Variants in DNAH10 observed in about 807,000 individuals in gnomAD.
DNAH10 encodes the protein dynein axonemal heavy chain 10, also known as axonemal beta dynein heavy chain 10.
DNAH10 carries 348 observed loss-of-function variants against 506.6 expected under a neutral mutation model. That is an observed-to-expected ratio of 0.69 (90% CI 0.63 to 0.75). DNAH10 has a LOEUF of 0.75. Ranked by LOEUF, DNAH10 falls within the 30% of genes least tolerant of loss-of-function variation. The pLI is 0.00. For missense variants in DNAH10, 5,179 were observed against 5,787.1 expected (o/e 0.89, Z 3.41); for synonymous variants, 2,059 against 2,198.6 (o/e 0.94, Z 1.78).
At chr12:123,842,705 G>A (rs1397805983) in intron 30 of DNAH10, among the ~76,000 whole-genome samples, 3 of 152,290 alleles carry the variant, frequency 2.0e-5, no homozygotes. Context: ...GGTAAAACTG[G>A]ATGTCTGGAA....
intron 39 of DNAH10, 64 bp downstream of exon 39, chr12:123,861,234 A>T: frequency 2.6e-6 from 4 of 1,564,862 alleles, no homozygotes; most frequent in Non-Finnish European, 3.5e-6. Context: ...CAACATTAAA[A>T]ACGGTGGCAG....
chr12:123,891,620 G>A (rs1451016407), intron 52 of DNAH10, among the ~76,000 whole-genome samples: 1 of 151,674 alleles, frequency 6.6e-6, no homozygotes, highest in Non-Finnish European at 1.5e-5. Context: ...AGCCCCGGGA[G>A]GAAGAGACTG....
intron 51 of DNAH10, among the ~76,000 whole-genome samples, chr12:123,884,933 T>C (rs572825807): frequency 3.9e-5 from 6 of 152,218 alleles, no homozygotes; most frequent in African/African-American, 7.2e-5. Flanking sequence ...TAAATTATTT[T>C]TCTGTTATTT....
intron 45 of DNAH10, 130 bp downstream of exon 45, chr12:123,871,732 G>A: frequency 8.9e-7 from 1 of 1,128,714 alleles, no homozygotes; most frequent in Non-Finnish European, 1.2e-6. Context: ...ACTTACCTGG[G>A]AGCTTCTAGC....
chr12:123,921,800 G>A (rs374221982), intron 65 of DNAH10, among the ~76,000 whole-genome samples: 23 of 134,754 alleles, frequency 1.7e-4, no homozygotes, highest in Middle Eastern at 4.1e-3. Flanking sequence ...TGCAACCTTC[G>A]CCTCCTGGGT....
chr12:123,835,715 T>G (rs1012514522), intron 28 of DNAH10, among the ~76,000 whole-genome samples, 187 bp downstream of exon 28: 1 of 152,158 alleles, frequency 6.6e-6, no homozygotes, highest in Admixed American at 6.5e-5. Context: ...GCCTTGAACT[T>G]ATGGGCTAAA....
rs370249206 is a variant in DNAH10, at chr12:123,931,736, G to A, written c.13017G>A (p.Arg4339=). 4.3e-6 allele frequency: 7 copies of A among 1,613,928 alleles called. No individual in the cohort carries two copies. The African/African-American group carries it at 8.0e-5, about 18-fold the overall frequency. ...MPKVFDLDQV[R]KRLGTGLSPT... ...AAGTCTTTGACTTGGACCAGGTGAG[G>A]AAGCGCCTCGGAACAGGACTCTCCC... Residue 4339 remains arginine, a synonymous_variant, in exon 75 of 79, where the codon AGG becomes AGA. Coordinates refer to ENST00000673944, the MANE Select transcript of DNAH10 (RefSeq NM_001372106.1).
intron 36 of DNAH10, among the ~76,000 whole-genome samples, chr12:123,854,209 A>G (rs1951301812): frequency 6.6e-6 from 1 of 152,078 alleles, no homozygotes; most frequent in African/African-American, 2.4e-5. Context: ...CTTAGGAGAA[A>G]GGAGTTATAT....
chr12:123,793,929 G>T lies in DNAH10; in HGVS notation c.1816-13G>T. ...ACAGGGGCATGAGGGTTGTTTTGTT[G>T]ATTTTTTTGCAGGTTATTGAGAAAG... On this transcript the variant is annotated splice_polypyrimidine_tract_variant and intron_variant, in intron 11 of 78. Transcript: ENST00000673944. 2.5e-6 allele frequency: 3 copies of T among 1,195,270 alleles called. No homozygotes were observed. Among genetic ancestry groups the T allele is most frequent in the Non-Finnish European group, 3.2e-6 (3 of 934,226 alleles). 74.0% of individuals were successfully genotyped at this position (1,195,270 alleles called of 1,614,324 possible). A position where few individuals can be genotyped will look rare whatever the true frequency, so the allele number is the denominator to read the frequency against.
intron 14 of DNAH10, 77 bp from the exon 15 acceptor site, chr12:123,800,139 A>G (rs1958429198): frequency 2.1e-6 from 3 of 1,440,776 alleles, no homozygotes; most frequent in African/African-American, 1.4e-5. Flanking sequence ...TTTCATGTTC[A>G]CTTTTGGTGT....
chr12:123,875,182 C>T lies in DNAH10; in HGVS notation c.7939-49C>T, dbSNP rs754561880. Reference sequence around the variant, plus strand: ...ATGGTCAGCCAACGCCTCTCTGACTCCTACTTTGCGATACTACTGTTCTCT... The same window carrying T: ...ATGGTCAGCCAACGCCTCTCTGACTTCTACTTTGCGATACTACTGTTCTCT... On this transcript the variant is annotated intron_variant, in intron 46 of 78. Transcript: ENST00000673944. 5 of 1,555,044 alleles carry T rather than the reference C, an allele frequency of 3.2e-6. No homozygotes were observed. The South Asian group carries it at 5.9e-5, about 18-fold the overall frequency.
intron 51 of DNAH10, among the ~76,000 whole-genome samples, chr12:123,884,231 C>T (rs775443321): frequency 3.3e-5 from 5 of 152,196 alleles, no homozygotes; most frequent in Admixed American, 2.6e-4. Flanking sequence ...GACGGGGTTT[C>T]GCCATGTTGG....
rs779810590 is a variant in DNAH10 at position 123,930,517 on chromosome 12, G to A, written c.12728G>A (p.Arg4243Gln). Residue 4243 changes from arginine (R) to glutamine (Q), a missense_variant, in exon 73 of 79, where the codon CGG (arginine) becomes CAG (glutamine). By Grantham distance (43) the Arg-to-Gln change is conservative. Around this residue, in one of 3 missense-constraint regions of DNAH10, gnomAD observed 4,844 missense variants for 5,430.5 expected, o/e 0.89. Transcript: ENST00000673944. ...ACTTTCCAGCCATTCCACTTCTTCC[G>A]GAACAAGGAAGTGGACTACAAAATC... The part of the protein sequence containing the change: ...FDTFQPFHFF[R>Q]NKEVDYKIPV... 14 of 1,609,328 alleles carry A rather than the reference G, an allele frequency of 8.7e-6. No homozygotes were observed. The highest frequency in any genetic ancestry group is 6.7e-5 in the African/African-American group (5 of 74,524).
intron 18 of DNAH10, 22 bp downstream of exon 18, chr12:123,805,062 C>T (rs2136298021): frequency 6.2e-7 from 1 of 1,610,872 alleles, no homozygotes; most frequent in South Asian, 1.1e-5. Flanking sequence ...TTGTTGCATG[C>T]TTTAAAATGG....
At chr12:123,842,735 G>T (rs1950815854) in intron 30 of DNAH10, among the ~76,000 whole-genome samples, 1 of 152,174 alleles carries the variant, frequency 6.6e-6, no homozygotes, top group Admixed American at 6.5e-5. Flanking sequence ...TTAAAGCTTT[G>T]ATTTAAAGCA....
chr12:123,794,055 T>C lies in DNAH10; in HGVS notation c.1929T>C (p.Ala643=). The C allele has an allele frequency of 1.6e-6, 2 of 1,285,462 alleles. No homozygotes were observed. Among genetic ancestry groups the C allele is most frequent in the Non-Finnish European group, 2.0e-6 (2 of 986,342 alleles). The allele number at this position is 1,285,462 out of a possible 1,614,324, so 79.6% of individuals were successfully genotyped here. Residue 643 remains alanine, a synonymous_variant, in exon 12 of 79, where the codon GCT becomes GCC. Transcript: ENST00000673944. ...TTAAGCACATTCGTTCACGGGAGGC[T>C]GTTAATCGACAAATGATGATGAAAT... The part of the protein sequence containing the change: ...LKFKHIRSRE[A]VNRQMMMKFN...
At position 123,935,504 on chromosome 12, in the gene DNAH10, TA is replaced by T; in HGVS notation, c.*25del. ...TAACCTTTGGGTGAAGAAAACTGCT[TA>T]ATGAATTCGGAGCCTGGGGTTGTCA... is the stretch of plus-strand genomic sequence containing the variant. On this transcript the variant is annotated 3_prime_UTR_variant, in exon 79 of 79. Transcript: ENST00000673944. 2 of 1,562,436 alleles carry T rather than the reference TA, an allele frequency of 1.3e-6. No individual in the cohort carries two copies. The highest frequency in any genetic ancestry group is 1.8e-6 in the Non-Finnish European group (2 of 1,142,706).
At position 123,787,857 on chromosome 12, in the gene DNAH10, G is replaced by C; in HGVS notation, c.1475G>C (p.Arg492Thr). ...ACCTTGGAAGCCAGGAACACCCTCA[G>C]GCTGTGGAAAAAGGCCTATTTTGAC... The part of the protein sequence containing the change: ...SKTLEARNTL[R>T]LWKKAYFDTR... Residue 492 changes from arginine (R) to threonine (T), a missense_variant, in exon 10 of 79, where the codon AGG becomes ACG. By Grantham distance (71) the Arg-to-Thr change is moderately conservative. Coordinates refer to ENST00000673944, the MANE Select transcript of DNAH10 (RefSeq NM_001372106.1). This position sits in a 1 kb window ranked among gnomAD's most constrained non-coding sequence, Gnocchi z 4.6. 1 of 1,614,104 alleles carries C rather than the reference G, an allele frequency of 6.2e-7. No individual in the cohort carries two copies. Among genetic ancestry groups the C allele is most frequent in the Admixed American group, 1.7e-5 (1 of 60,004 alleles).
intron 23 of DNAH10, among the ~76,000 whole-genome samples, chr12:123,819,911 G>T (rs1394566318): frequency 3.3e-5 from 5 of 151,718 alleles, no homozygotes; most frequent in Admixed American, 3.3e-4. Context: ...CACCATGTTG[G>T]CCAGGCTGGT....
Sources: gnomAD v4.1 joint callset for allele counts (sites outside exome capture counted in the v4.1 genomes callset) on GRCh38, gnomAD v4.1.1 for gene constraint, gnomAD v4.1.1 regional missense constraint, Gnocchi (gnomAD v3.1) non-coding constraint, MANE v1.5 for transcripts, NCBI Gene and HGNC (gene_info 2026-07-23, HGNC 2026-07-21) for gene names.